Variants in GALNT11 observed in about 807,000 individuals in gnomAD.
GALNT11 encodes the protein polypeptide N-acetylgalactosaminyltransferase 11.
A neutral mutation model predicts 72.7 loss-of-function variants in GALNT11; 47 were observed. The observed-to-expected ratio is 0.65, with a 90% confidence interval of 0.51 to 0.82. GALNT11 has a LOEUF of 0.82. GALNT11 is among the 40% of genes least tolerant of loss of function. The pLI is 0.00. For missense variants in GALNT11, 677 were observed against 778.4 expected, an observed-to-expected ratio of 0.87 and a Z score of 1.55; for synonymous variants, 270 against 286.6, an observed-to-expected ratio of 0.94 and a Z score of 0.58.
intron 1 of GALNT11, among the ~76,000 whole-genome samples, chr7:152,029,818 G>A (rs1254859642): frequency 1.3e-5 from 2 of 152,180 alleles, no homozygotes; most frequent in South Asian, 2.1e-4. Flanking sequence ...AGATCTGGTC[G>A]GACCTTTGTA....
intron 1 of GALNT11, among the ~76,000 whole-genome samples, chr7:152,043,151 C>T (rs1264933677): frequency 6.6e-6 from 1 of 152,204 alleles, no homozygotes; most frequent in Non-Finnish European, 1.5e-5. Flanking sequence ...CCAGGCTTTG[C>T]TTTCCAGGGA....
chr7:152,029,603 AG>A (rs2082208275), intron 1 of GALNT11, among the ~76,000 whole-genome samples: 1 of 152,258 alleles, frequency 6.6e-6, no homozygotes, highest in South Asian at 2.1e-4. Flanking sequence ...GAATTGATAT[AG>A]ATGGCTCCTT....
chr7:152,108,120 C>A lies in GALNT11; in HGVS notation c.795C>A (p.Asp265Glu), dbSNP rs760464574. 9 of 1,613,970 alleles carry A rather than the reference C, an allele frequency of 5.6e-6. No individual in the cohort carries two copies. The highest frequency in any genetic ancestry group is 7.6e-6 in the Non-Finnish European group (9 of 1,180,006). ...CCTTGCTGGCCGCCATCCGTGAGGA[C>A]CGGCACACCGTGGTGTGCCCAGTGA... ...LQPLLAAIREDRHTVVCPVID... is the reference protein window; with the variant it reads ...LQPLLAAIREERHTVVCPVID... The change falls in exon 6 of 12, where the codon GAC (aspartate) becomes GAA (glutamate). Residue 265 changes from aspartate to glutamate, a missense_variant. Coordinates refer to ENST00000430044, the MANE Select transcript of GALNT11 (RefSeq NM_022087.4).
intron 5 of GALNT11, 63 bp from the exon 6 acceptor site, chr7:152,107,975 G>A (rs543592006): frequency 6.6e-5 from 102 of 1,547,392 alleles, no homozygotes; most frequent in Non-Finnish European, 8.5e-5. Flanking sequence ...CCCATTGGAC[G>A]GGTGGTTGTA....
intron 1 of GALNT11, among the ~76,000 whole-genome samples, chr7:152,046,124 A>G (rs908450946): frequency 6.6e-6 from 1 of 151,974 alleles, no homozygotes; most frequent in African/African-American, 2.4e-5. Context: ...AATTGATTCT[A>G]GTTTTATTCT....
intron 1 of GALNT11, among the ~76,000 whole-genome samples, chr7:152,031,671 G>C (rs1025390114): frequency 2.0e-5 from 3 of 152,196 alleles, no homozygotes; most frequent in African/African-American, 4.8e-5. Flanking sequence ...ACGAGTCTGA[G>C]TAAGGACTCC....
At chr7:152,101,745 T>C (rs1364475181) in intron 3 of GALNT11, among the ~76,000 whole-genome samples, 1 of 151,904 alleles carries the variant, frequency 6.6e-6, no homozygotes, top group Non-Finnish European at 1.5e-5. Flanking sequence ...GTGATTCTCC[T>C]GCCTCGGCCT....
At chr7:152,113,653 T>A (rs1175342211) in intron 8 of GALNT11, among the ~76,000 whole-genome samples, 1 of 150,782 alleles carries the variant, frequency 6.6e-6, no homozygotes, top group Non-Finnish European at 1.5e-5. Flanking sequence ...AGAAATTCCA[T>A]CTTCAGTTTC....
intron 9 of GALNT11, chr7:152,118,328 T>G: frequency 4.0e-6 from 1 of 252,160 alleles, no homozygotes; most frequent in Non-Finnish European, 7.6e-6. Flanking sequence ...TTTTTATACA[T>G]GTTGTTCTTA....
intron 1 of GALNT11, among the ~76,000 whole-genome samples, chr7:152,062,532 C>T (rs1053474812): frequency 6.6e-6 from 1 of 152,148 alleles, no homozygotes; most frequent in Non-Finnish European, 1.5e-5. Flanking sequence ...GAGGGCATCC[C>T]TGTCTTGTGC....
intron 10 of GALNT11, 198 bp downstream of exon 10, chr7:152,118,980 G>A (rs1056966418): frequency 3.6e-5 from 14 of 390,022 alleles, no homozygotes; most frequent in Non-Finnish European, 5.4e-5. Context: ...CACCGCCAGG[G>A]TCTGATTTTT....
intron 8 of GALNT11, among the ~76,000 whole-genome samples, chr7:152,113,712 C>CTTTTTTTTTTTTTTTTTTTTTTTTT (rs6150397): frequency 6.2e-5 from 6 of 96,972 alleles, no homozygotes; most frequent in African/African-American, 9.2e-5. Flanking sequence ...AGTTGGCTTT[C>CTTTTTTTTTTTTTTTTTTTTTTTTT]TTTTTTTTTT....
chr7:152,115,725 C>A (rs556671994), intron 8 of GALNT11, among the ~76,000 whole-genome samples: 1 of 152,226 alleles, frequency 6.6e-6, no homozygotes. Context: ...GAAAAACTTA[C>A]ATTTACCGCC....
chr7:152,047,377 T>C (rs534912337), intron 1 of GALNT11, among the ~76,000 whole-genome samples: 1 of 152,134 alleles, frequency 6.6e-6, no homozygotes, highest in African/African-American at 2.4e-5. Context: ...GGCAGGAGAA[T>C]CACTTGAACC....
chr7:152,054,866 T>G (rs1338353098), intron 1 of GALNT11, among the ~76,000 whole-genome samples: 2 of 152,160 alleles, frequency 1.3e-5, no homozygotes, highest in African/African-American at 4.8e-5. Context: ...TTGGAAAGGA[T>G]GCTGTGTTTG....
intron 4 of GALNT11, 74 bp downstream of exon 4, chr7:152,103,352 C>T: frequency 6.7e-7 from 1 of 1,487,126 alleles, no homozygotes; most frequent in East Asian, 2.4e-5. Context: ...ACTAACACAG[C>T]TGAACTTTCA....
At chr7:152,037,990 G>A (rs965184334) in intron 1 of GALNT11, among the ~76,000 whole-genome samples, 13 of 152,034 alleles carry the variant, frequency 8.6e-5, no homozygotes, top group East Asian at 1.9e-4. Context: ...GGCTGGTCTC[G>A]AACTCCTGAC....
At position 152,094,008 on chromosome 7, in the gene GALNT11, A is replaced by T. The variant is rs368081822; in HGVS notation, c.-38-182A>T. 1.3e-5 allele frequency: 6 copies of T among 464,672 alleles called. No homozygotes were observed. Among genetic ancestry groups the T allele is most frequent in the South Asian group, 5.2e-5 (1 of 19,336 alleles). The allele number at this position is 464,672 out of a possible 1,614,324, so 28.8% of individuals were successfully genotyped here. A position where few individuals can be genotyped will look rare whatever the true frequency, so the allele number is the denominator to read the frequency against. Reference sequence around the variant, plus strand: ...CTCTGAGCATTAACCCACAGGCCTGAGGTTTTCATTGTTGAACCCTTTTTA... The same window carrying T: ...CTCTGAGCATTAACCCACAGGCCTGTGGTTTTCATTGTTGAACCCTTTTTA... On this transcript the variant is annotated intron_variant, in intron 1 of 11. Coordinates refer to ENST00000430044, the MANE Select transcript of GALNT11 (RefSeq NM_022087.4). This position sits in a 1 kb window ranked among gnomAD's most constrained non-coding sequence, Gnocchi z 4.3.
At chr7:152,107,162 GA>G (rs1225193683) in intron 5 of GALNT11, 1 of 151,398 alleles carries the variant, frequency 6.6e-6, no homozygotes, top group Non-Finnish European at 1.5e-5. Context: ...TGCACTTTTA[GA>G]AAAACAATAA....
Sources: allele counts gnomAD v4.1 joint callset (sites outside exome capture counted in the v4.1 genomes callset), GRCh38; gene constraint gnomAD v4.1.1; non-coding constraint Gnocchi (gnomAD v3.1); transcripts MANE v1.5; gene names NCBI Gene and HGNC (gene_info 2026-07-23, HGNC 2026-07-21).